DIS3L: variants seen among roughly 807,000 people sequenced by gnomAD.
DIS3L encodes the protein DIS3 like exosome 3'-5' exoribonuclease.
DIS3L carries 100 observed loss-of-function variants against 120.3 expected under a neutral mutation model. The observed-to-expected ratio is 0.83, with a 90% CI of 0.71 to 0.98. The LOEUF is 0.98. Ranked by LOEUF, DIS3L falls within the 50% of genes least tolerant of loss-of-function variation. The pLI, the probability that DIS3L is intolerant of heterozygous loss-of-function variation, is 0.00. For missense variants in DIS3L, 1,196 were observed against 1,314.2 expected (o/e 0.91, Z 1.39); for synonymous variants, 426 against 470.6 (o/e 0.91, Z 1.23).
At chr15:66,304,123 T>G (rs1312277934) in intron 2 of DIS3L, among the ~76,000 whole-genome samples, 1 of 140,792 alleles carries the variant, frequency 7.1e-6, no homozygotes. Flanking sequence ...CAATATGGCA[T>G]AGACTCTTCT....
At chr15:66,329,446 A>G in intron 14 of DIS3L, 47 bp downstream of exon 14, 2 of 1,565,910 alleles carry the variant, frequency 1.3e-6, no homozygotes, top group Non-Finnish European at 1.7e-6. Flanking sequence ...TCTTGCTAAG[A>G]AAATATCAGC....
chr15:66,320,439 C>T, intron 8 of DIS3L, 132 bp from the exon 9 acceptor site: 1 of 922,200 alleles, frequency 1.1e-6, no homozygotes, highest in Admixed American at 3.5e-5. Context: ...AAAACCCTAC[C>T]ATACACCACT....
intron 7 of DIS3L, among the ~76,000 whole-genome samples, chr15:66,316,646 T>A (rs953779934): frequency 6.6e-6 from 1 of 152,044 alleles, no homozygotes; most frequent in Non-Finnish European, 1.5e-5. Context: ...TGAAACCCTG[T>A]CTCTACTAAA....
intron 12 of DIS3L, among the ~76,000 whole-genome samples, chr15:66,328,281 A>G (rs1167441723): frequency 6.6e-6 from 1 of 152,194 alleles, no homozygotes; most frequent in Admixed American, 6.6e-5. Flanking sequence ...TCTGTTCATC[A>G]TCATGCTCTA....
intron 14 of DIS3L, among the ~76,000 whole-genome samples, chr15:66,330,880 T>A (rs559469784): frequency 6.6e-6 from 1 of 152,272 alleles, no homozygotes; most frequent in South Asian, 2.1e-4. Context: ...ATAGGTCAGG[T>A]GCAGTGGCTC....
intron 2 of DIS3L, among the ~76,000 whole-genome samples, chr15:66,297,318 G>T (rs2092598216): frequency 6.6e-6 from 1 of 152,122 alleles, no homozygotes; most frequent in Non-Finnish European, 1.5e-5. Context: ...ATTTGGCCAG[G>T]CCTGGTGGCT....
chr15:66,332,904 T>C lies in DIS3L; in HGVS notation c.2850T>C (p.His950=), dbSNP rs758724233. The part of the protein sequence containing the change: ...GESVTFHLFD[H]VTVRISIQAS... ...CTGTTACGTTCCATTTGTTTGACCA[T>C]GTAACCGTAAGTCTGTGTTTCTATT... is the stretch of plus-strand genomic sequence containing the variant. The change falls in exon 16 of 17, where the codon CAT becomes CAC. Residue 950 remains histidine (H), a synonymous_variant. Coordinates refer to ENST00000319212, the MANE Select transcript of DIS3L (RefSeq NM_001143688.3). 15 of 1,610,514 alleles carry C rather than the reference T, an allele frequency of 9.3e-6. 1 individual carries two copies. In the South Asian group the frequency reaches 1.3e-4, roughly 14 times the overall value.
At position 66,326,313 on chromosome 15, in the gene DIS3L, T is replaced by A. The variant is rs1365976492; in HGVS notation, c.2150T>A (p.Phe717Tyr). 9 of 1,614,166 alleles carry A rather than the reference T, an allele frequency of 5.6e-6. No individual in the cohort carries two copies. Among genetic ancestry groups the A allele is most frequent in the Non-Finnish European group, 7.6e-6 (9 of 1,180,030 alleles). ...RQHPPPHQEF[F>Y]SELRECAKAK... ...CACCCTCCTCCACACCAGGAGTTCT[T>A]TTCAGAACTCCGGGAATGTGCTAAA... Residue 717 changes from phenylalanine to tyrosine, a missense_variant, in exon 12 of 17, where the codon TTT (phenylalanine) becomes TAT (tyrosine). Physicochemically the swap from Phe to Tyr is conservative, Grantham distance 22. Transcript: ENST00000319212.
At chr15:66,329,553 G>T in intron 14 of DIS3L, 154 bp downstream of exon 14, 4 of 1,322,166 alleles carry the variant, frequency 3.0e-6, no homozygotes, top group African/African-American at 1.5e-5. Flanking sequence ...GATGTTCTCA[G>T]GTAACTTGTG....
In DIS3L at chr15:66,322,744, G is replaced by C; in HGVS notation, c.1384G>C (p.Glu462Gln). The C allele has an allele frequency of 6.2e-7, 1 of 1,614,076 alleles. No individual in the cohort carries two copies. ...TCCCTGGAAGGTGAGTCCTGAAGAGGAACAAAAACGTAAAGACTTGAGGAA... is the reference window on the plus strand; with the variant it reads ...TCCCTGGAAGGTGAGTCCTGAAGAGCAACAAAAACGTAAAGACTTGAGGAA... ...ESPWKVSPEE[E>Q]QKRKDLRKSH... The change falls in exon 10 of 17, where the codon GAA (glutamate) becomes CAA (glutamine). Residue 462 changes from glutamate (E) to glutamine (Q), a missense_variant. Physicochemically the swap from Glu to Gln is conservative, Grantham distance 29. Transcript: ENST00000319212.
chr15:66,311,050 TAAAA>T (rs34815047), intron 4 of DIS3L, among the ~76,000 whole-genome samples: 2 of 88,552 alleles, frequency 2.3e-5, no homozygotes, highest in Non-Finnish European at 4.3e-5. Flanking sequence ...CCCTGTCCCT[TAAAA>T]AAAAAAAAAA....
intron 8 of DIS3L, among the ~76,000 whole-genome samples, chr15:66,319,699 T>C (rs1298980477): frequency 6.6e-6 from 1 of 152,216 alleles, no homozygotes; most frequent in Non-Finnish European, 1.5e-5. Context: ...TGAAGCCTTA[T>C]GCAGGCTCTC....
At position 66,323,508 on chromosome 15, in the gene DIS3L, T is replaced by C; in HGVS notation, c.1590T>C (p.Tyr530=). ...TCATTCACAGGGCCACCACTTATTATCTAGCAGATCGTCGCTATGACATGC... is the reference window on the plus strand; with the variant it reads ...TCATTCACAGGGCCACCACTTATTACCTAGCAGATCGTCGCTATGACATGC... The part of the protein sequence containing the change: ...IEARTRATTY[Y]LADRRYDMLP... Residue 530 remains tyrosine (Y), a synonymous_variant, in exon 11 of 17, where the codon TAT becomes TAC. Coordinates refer to ENST00000319212, the MANE Select transcript of DIS3L (RefSeq NM_001143688.3). 6.2e-7 allele frequency: 1 copy of C among 1,614,256 alleles called. No individual in the cohort carries two copies. The highest frequency in any genetic ancestry group is 8.5e-7 in the Non-Finnish European group (1 of 1,180,048).
rs1399789345 is a variant in DIS3L at position 66,316,239 on chromosome 15, G to GT, written c.994+1026dup. Reference sequence around the variant, plus strand: ...CCCCTAGACCTGCTCTTCCCCACGTGTTCCCCAGTCTCAGTAAAGGGCAAA... The same window carrying GT: ...CCCCTAGACCTGCTCTTCCCCACGTGTTTCCCCAGTCTCAGTAAAGGGCAAA... On this transcript the variant is annotated intron_variant, in intron 7 of 16. Coordinates refer to ENST00000319212, the MANE Select transcript of DIS3L (RefSeq NM_001143688.3). Among the ~76,000 whole-genome samples, 3 of 151,540 alleles carry GT rather than the reference G, an allele frequency of 2.0e-5. No homozygotes were observed. In the East Asian group the frequency reaches 5.8e-4, roughly 29 times the overall value.
Position 66,293,750 on chromosome 15 carries a change from G to T in DIS3L, c.139+15G>T. 1 of 1,194,714 alleles carries T rather than the reference G, an allele frequency of 8.4e-7. No individual in the cohort carries two copies. Among genetic ancestry groups the T allele is most frequent in the Non-Finnish European group, 1.0e-6 (1 of 964,838 alleles). 74.0% of individuals were successfully genotyped at this position (1,194,714 alleles called of 1,614,324 possible). The stretch of plus-strand genomic sequence containing the variant: ...CTGCAGCCACGGTCAGGGCCGGGGC[G>T]GGGGCGGGGACGGGGCCGGCGGGAG... On this transcript the variant is annotated intron_variant, in intron 1 of 16. Coordinates refer to ENST00000319212, the MANE Select transcript of DIS3L (RefSeq NM_001143688.3).
At chr15:66,293,835 A>C in intron 1 of DIS3L, 100 bp downstream of exon 1, 2 of 1,031,136 alleles carry the variant, frequency 1.9e-6, no homozygotes, top group African/African-American at 3.5e-5. Context: ...CGGCGGGGAC[A>C]CGGAGGCGTA....
At position 66,325,940 on chromosome 15, in the gene DIS3L, G is replaced by C. The variant is rs1490709120; in HGVS notation, c.1777G>C (p.Ala593Pro). Reference protein sequence around the residue: ...RSAYKLFYEAAQELLDGNLSV... With the variant: ...RSAYKLFYEAPQELLDGNLSV... ...AGCATACAAACTGTTCTATGAAGCA[G>C]CCCAAGAACTACTGGATGGAAACTT... Residue 593 changes from alanine to proline, a missense_variant, in exon 12 of 17, where the codon GCC (alanine) becomes CCC (proline). Ala to Pro is a conservative substitution (Grantham distance 27, BLOSUM62 -1). Transcript: ENST00000319212. The C allele has an allele frequency of 1.2e-6, 2 of 1,614,174 alleles. No homozygotes were observed. Among genetic ancestry groups the C allele is most frequent in the Non-Finnish European group, 1.7e-6 (2 of 1,180,028 alleles).
chr15:66,320,257 G>A (rs1019857823), intron 8 of DIS3L, among the ~76,000 whole-genome samples: 3 of 152,054 alleles, frequency 2.0e-5, no homozygotes, highest in African/African-American at 4.8e-5. Flanking sequence ...TGTTGCAAGC[G>A]TTAACTAGAA....
At chr15:66,314,986 G>A (rs1566946774) in intron 6 of DIS3L, 50 bp from the exon 7 acceptor site, 1 of 1,588,104 alleles carries the variant, frequency 6.3e-7, no homozygotes, top group East Asian at 2.2e-5. Context: ...CCTCACTGGT[G>A]TGCCATTCCC....
Sources: gnomAD v4.1 joint callset for allele counts (sites outside exome capture counted in the v4.1 genomes callset) on GRCh38, gnomAD v4.1.1 for gene constraint, MANE v1.5 for transcripts, NCBI Gene and HGNC (gene_info 2026-07-23, HGNC 2026-07-21) for gene names.